Variants in GLS observed in about 807,000 individuals in gnomAD.
GLS encodes the protein glutaminase, also known as glutaminase kidney isoform, mitochondrial.
GLS carries 36 observed loss-of-function variants against 86.7 expected under a neutral mutation model. The ratio of observed to expected loss-of-function variants is 0.42; its 90% CI spans 0.32 to 0.55. GLS has a LOEUF of 0.55. Ranked by LOEUF, GLS falls within the 20% of genes least tolerant of loss-of-function variation. The pLI is 0.17. For synonymous variants in GLS, 317 were observed against 305.9 expected, an observed-to-expected ratio of 1.04 and a Z score of -0.38; for missense variants, 528 against 833.4, an observed-to-expected ratio of 0.63 and a Z score of 4.51.
intron 1 of GLS, among the ~76,000 whole-genome samples, chr2:190,889,568 T>C (rs1688498285): frequency 6.6e-6 from 1 of 152,228 alleles, no homozygotes; most frequent in Non-Finnish European, 1.5e-5. Flanking sequence ...TCATATAGTA[T>C]CTGTATTATT....
chr2:190,899,169 A>G (rs1309964953), intron 3 of GLS, among the ~76,000 whole-genome samples: 1 of 152,190 alleles, frequency 6.6e-6, no homozygotes, highest in East Asian at 1.9e-4. Context: ...GTTGGATTTT[A>G]GAAGCTATTT....
chr2:190,944,564 G>C (rs904022578), intron 14 of GLS, among the ~76,000 whole-genome samples: 20 of 151,984 alleles, frequency 1.3e-4, no homozygotes, highest in Admixed American at 1.2e-3. Context: ...CTGCTTTCTG[G>C]CTTATTGATT....
In GLS at chr2:190,953,505, G is replaced by T; in HGVS notation, c.1651-60G>T. On this transcript the variant is annotated intron_variant, in intron 14 of 17. Transcript: ENST00000320717. This position sits in a 1 kb window ranked among gnomAD's most constrained non-coding sequence, Gnocchi z 4.0. ...ACATGGAAATCACTTGCCAGTGACA[G>T]GTGGACGTTGTATGTGTTTTCTCTC... 9.2e-7 allele frequency: 1 copy of T among 1,089,132 alleles called. No homozygotes were observed. The highest frequency in any genetic ancestry group is 1.2e-5 in the South Asian group (1 of 80,242). 67.5% of individuals were successfully genotyped at this position (1,089,132 alleles called of 1,614,324 possible).
rs1395860093 is a variant in GLS, at chr2:190,909,301, T to C, written c.980-962T>C. ...GCTAAATCAAAGTAACATACATTAC[T>C]TCATATATTTATTTGTAATGAGAAG... On this transcript the variant is annotated intron_variant, in intron 6 of 17. Transcript: ENST00000320717. Among the ~76,000 whole-genome samples, 3 of 152,334 alleles carry C rather than the reference T, an allele frequency of 2.0e-5. No individual in the cohort carries two copies. The East Asian group carries it at 5.8e-4, about 29-fold the overall frequency.
chr2:190,883,094 T>C (rs1688259043), intron 1 of GLS, among the ~76,000 whole-genome samples: 1 of 152,162 alleles, frequency 6.6e-6, no homozygotes, highest in Non-Finnish European at 1.5e-5. Context: ...CTAGTGCCTC[T>C]CTTTTTTTTC....
rs57991546 is a variant in GLS at position 190,953,950 on chromosome 2, ATG to A, written c.1712+369_1712+370del. Reference sequence around the variant, plus strand: ...CTACCCTCCATTCCCAATCTTTGATATGTGTGTGTGTGTGTGTGTGTGTGTGT... The same window carrying A: ...CTACCCTCCATTCCCAATCTTTGATATGTGTGTGTGTGTGTGTGTGTGTGT... On this transcript the variant is annotated intron_variant, in intron 15 of 17. Transcript: ENST00000320717. The surrounding 1 kb of genome is among the most constrained non-coding windows in gnomAD (Gnocchi z 4.0). 0.28 allele frequency among the ~76,000 whole-genome samples: 38,368 copies of A among 136,158 alleles called. 5,433 individuals are homozygous for A. Among genetic ancestry groups the A allele is most frequent in the Non-Finnish European group, 0.34 (21,614 of 63,250 alleles). The allele number at this position is 136,158 out of a possible 152,430, so 89.3% of individuals were successfully genotyped here.
At position 190,956,009 on chromosome 2, in the gene GLS, T is replaced by C. The variant is rs1275810147; in HGVS notation, c.1853+1191T>C. ...TAAATTTGCTTAACTTCCTTGTAGA[T>C]TCTGGATATTAGCCCTTTGTCAGAT... On this transcript the variant is annotated intron_variant, in intron 17 of 17. Transcript: ENST00000320717. This position sits in a 1 kb window ranked among gnomAD's most constrained non-coding sequence, Gnocchi z 4.2. 6.6e-6 allele frequency among the ~76,000 whole-genome samples: 1 copy of C among 152,246 alleles called. No individual in the cohort carries two copies. The highest frequency in any genetic ancestry group is 1.5e-5 in the Non-Finnish European group (1 of 68,044).
At chr2:190,945,909 AATTT>A (rs924265586) in intron 14 of GLS, among the ~76,000 whole-genome samples, 1 of 152,154 alleles carries the variant, frequency 6.6e-6, no homozygotes, top group Non-Finnish European at 1.5e-5. Context: ...TATGGGCATG[AATTT>A]ATTGAATTGC....
At chr2:190,961,691 T>TTG (rs1052379114) in intron 17 of GLS, among the ~76,000 whole-genome samples, 3 of 148,678 alleles carry the variant, frequency 2.0e-5, no homozygotes, top group African/African-American at 7.5e-5. Context: ...ATTCAGCTGT[T>TTG]TTTTTTTTTT....
chr2:190,881,595 G>A (rs1305529190), intron 1 of GLS, 125 bp downstream of exon 1: 4 of 948,198 alleles, frequency 4.2e-6, no homozygotes, highest in Non-Finnish European at 6.0e-6. Flanking sequence ...AAGAGGTGCC[G>A]GGCGGCCTGC....
At chr2:190,881,601 C>CCTGCGCCGT in intron 1 of GLS, 131 bp downstream of exon 1, 1 of 884,486 alleles carries the variant, frequency 1.1e-6, no homozygotes, top group East Asian at 3.2e-5. Flanking sequence ...TGCCGGGCGG[C>CCTGCGCCGT]CTGCGCCGTC....
At chr2:190,934,323 A>T (rs945872367) in intron 14 of GLS, 5 of 963,874 alleles carry the variant, frequency 5.2e-6, no homozygotes, top group African/African-American at 1.8e-5. Context: ...GGGAACTGTG[A>T]TATTAAGAAA....
chr2:190,900,568 G>C lies in GLS; in HGVS notation c.610G>C (p.Val204Leu). 6.3e-7 allele frequency: 1 copy of C among 1,594,848 alleles called. No homozygotes were observed. Among genetic ancestry groups the C allele is most frequent in the Non-Finnish European group, 8.6e-7 (1 of 1,164,882 alleles). Reference sequence around the variant, plus strand: ...TTATCTTTTTACATTCTACAGATGTGTTCAGAGCAACATTGTTTTGTTGAC... The same window carrying C: ...TTATCTTTTTACATTCTACAGATGTCTTCAGAGCAACATTGTTTTGTTGAC... ...MLDKDLFKKC[V>L]QSNIVLLTQA... The change falls in exon 4 of 18, where the codon GTT (valine) becomes CTT (leucine). Residue 204 changes from valine to leucine, a missense_variant. By Grantham distance (32) the Val-to-Leu change is conservative (BLOSUM62 1). Coordinates refer to ENST00000320717, the MANE Select transcript of GLS (RefSeq NM_014905.5).
intron 14 of GLS, among the ~76,000 whole-genome samples, chr2:190,936,610 A>C (rs180704980): frequency 9.3e-5 from 14 of 151,104 alleles, no homozygotes; most frequent in Admixed American, 4.6e-4. Flanking sequence ...CCCATTCACT[A>C]CCAGGACTGC....
intron 6 of GLS, among the ~76,000 whole-genome samples, chr2:190,909,805 G>A (rs934357481): frequency 6.6e-6 from 1 of 152,162 alleles, no homozygotes; most frequent in Non-Finnish European, 1.5e-5. Flanking sequence ...ACTTTGGGAG[G>A]CCAAGGCGGG....
chr2:190,887,520 G>C (rs1559314045), intron 1 of GLS, among the ~76,000 whole-genome samples: 1 of 151,964 alleles, frequency 6.6e-6, no homozygotes, highest in Non-Finnish European at 1.5e-5. Flanking sequence ...ATATATTTTT[G>C]CCTATTTATT....
rs1464455350 is a variant in GLS, at chr2:190,947,697, C to T, written c.1651-5868C>T. Among the ~76,000 whole-genome samples, 1 of 152,154 alleles carries T rather than the reference C, an allele frequency of 6.6e-6. No homozygotes were observed. Among genetic ancestry groups the T allele is most frequent in the Non-Finnish European group, 1.5e-5 (1 of 68,022 alleles). On this transcript the variant is annotated intron_variant, in intron 14 of 17. Coordinates refer to ENST00000320717, the MANE Select transcript of GLS (RefSeq NM_014905.5). This position sits in a 1 kb window ranked among gnomAD's most constrained non-coding sequence, Gnocchi z 5.0. Reference sequence around the variant, plus strand: ...AACCCATTATTTTCTGGACTTTGGCCTCCTTGACAGGTATTTTAAAATCAA... The same window carrying T: ...AACCCATTATTTTCTGGACTTTGGCTTCCTTGACAGGTATTTTAAAATCAA...
At chr2:190,900,863 A>G (rs1204838758) in intron 4 of GLS, among the ~76,000 whole-genome samples, 170 bp downstream of exon 4, 1 of 152,132 alleles carries the variant, frequency 6.6e-6, no homozygotes, top group Non-Finnish European at 1.5e-5. Flanking sequence ...CGGTATTTTA[A>G]ATATTTAACT....
rs200415890 is a variant in GLS at position 190,961,692 on chromosome 2, T to TG, written c.1854-1138_1854-1137insG. Among the ~76,000 whole-genome samples the TG allele has an allele frequency of 5.1e-3, 777 of 151,468 alleles. 9 individuals carry two copies. Among genetic ancestry groups the TG allele is most frequent in the African/African-American group, 0.018 (734 of 41,256 alleles). On this transcript the variant is annotated intron_variant, in intron 17 of 17. Transcript: ENST00000320717. ...TTCAAAGTCACTTAATTCAGCTGTT[T>TG]TTTTTTTTTTTTTGATAAATACAAA... is the stretch of plus-strand genomic sequence containing the variant.
Sources: allele counts gnomAD v4.1 joint callset (sites outside exome capture counted in the v4.1 genomes callset), GRCh38; gene constraint gnomAD v4.1.1; non-coding constraint Gnocchi (gnomAD v3.1); transcripts MANE v1.5; gene names NCBI Gene and HGNC (gene_info 2026-07-23, HGNC 2026-07-21).